The following CPLX2 variants were observed in gnomAD, a reference collection of about 807,000 sequenced individuals.
The protein encoded by CPLX2 is complexin 2.
CPLX2 carries 5 observed loss-of-function variants against 16.3 expected under a neutral mutation model. The observed-to-expected ratio is 0.31, with a 90% CI of 0.16 to 0.64. CPLX2 has a LOEUF of 0.64. CPLX2 is among the 30% of genes least tolerant of loss of function. CPLX2 has a pLI of 0.79. For missense variants in CPLX2, 144 were observed against 181.4 expected, an observed-to-expected ratio of 0.79 and a Z score of 1.18; for synonymous variants, 89 against 73.2, an observed-to-expected ratio of 1.22 and a Z score of -1.10.
intron 2 of CPLX2, among the ~76,000 whole-genome samples, chr5:175,864,695 G>A (rs996540025): frequency 8.5e-5 from 13 of 152,268 alleles, no homozygotes; most frequent in Admixed American, 6.5e-4. Flanking sequence ...CTGGGGTGCT[G>A]TAGGCTCTCC....
intron 2 of CPLX2, among the ~76,000 whole-genome samples, chr5:175,820,027 A>G (rs1758477267): frequency 1.3e-5 from 2 of 152,062 alleles, no homozygotes; most frequent in Admixed American, 6.5e-5. Context: ...CATCACACCA[A>G]AAGTCCCTAC....
At position 175,797,415 on chromosome 5, in the gene CPLX2, A is replaced by C. The variant is rs375448001; in HGVS notation, c.-169+631A>C. 2.3e-3 allele frequency among the ~76,000 whole-genome samples: 347 copies of C among 152,138 alleles called. 1 individual carries two copies. The highest frequency in any genetic ancestry group is 8.0e-3 in the African/African-American group (334 of 41,522). Reference sequence around the variant, plus strand: ...CAAGAGGTAGAGGGGAAACAGGCACAGAACGGTCCCGGCTCCGCTAGGCGG... The same window carrying C: ...CAAGAGGTAGAGGGGAAACAGGCACCGAACGGTCCCGGCTCCGCTAGGCGG... On this transcript the variant is annotated intron_variant, in intron 1 of 4. Coordinates refer to the CPLX2 transcript ENST00000359546.
At chr5:175,850,981 CAG>C (rs1269550999) in intron 2 of CPLX2, among the ~76,000 whole-genome samples, 1 of 151,746 alleles carries the variant, frequency 6.6e-6, no homozygotes, top group African/African-American at 2.4e-5. Flanking sequence ...GACGAGATCT[CAG>C]GGGGTGAGTA....
intron 2 of CPLX2, among the ~76,000 whole-genome samples, chr5:175,853,833 C>T (rs1369161837): frequency 1.3e-5 from 2 of 152,148 alleles, no homozygotes; most frequent in East Asian, 3.9e-4. Flanking sequence ...CCAGCTTCCC[C>T]CTCTGTGGAG....
intron 1 of CPLX2, among the ~76,000 whole-genome samples, chr5:175,802,341 A>G (rs1758114460): frequency 6.6e-6 from 1 of 152,184 alleles, no homozygotes; most frequent in African/African-American, 2.4e-5. Context: ...TCAATCTGCA[A>G]CAAGCATTGC....
chr5:175,797,564 G>C (rs1758012734), intron 1 of CPLX2, among the ~76,000 whole-genome samples: 2 of 152,172 alleles, frequency 1.3e-5, no homozygotes, highest in South Asian at 4.1e-4. Context: ...GAAGCCCGCG[G>C]CTGGCAGCTG....
intron 2 of CPLX2, among the ~76,000 whole-genome samples, chr5:175,810,591 C>G (rs774675991): frequency 3.9e-5 from 6 of 152,138 alleles, no homozygotes; most frequent in African/African-American, 7.2e-5. Context: ...TATATAAGAC[C>G]AAACTCAGTA....
In CPLX2 at chr5:175,876,555, GCAGTT is replaced by G. The variant is rs780801368; in HGVS notation, c.-88-2094_-88-2090del. On this transcript the variant is annotated intron_variant, in intron 1 of 3. Coordinates refer to ENST00000393745, the MANE Select transcript of CPLX2 (RefSeq NM_001008220.2). The stretch of plus-strand genomic sequence containing the variant: ...GTTTGAGGGTACAGTGGGGTTGTCA[GCAGTT>G]CAAATGCTGCAGACTGCTTCAACAG... Among the ~76,000 whole-genome samples, 162 of 152,182 alleles carry G rather than the reference GCAGTT, an allele frequency of 1.1e-3. 1 individual carries two copies. Among genetic ancestry groups the G allele is most frequent in the Non-Finnish European group, 2.1e-4 (14 of 68,026 alleles).
intron 1 of CPLX2, among the ~76,000 whole-genome samples, chr5:175,875,743 G>A (rs1759742158): frequency 6.6e-6 from 1 of 152,116 alleles, no homozygotes; most frequent in Admixed American, 6.5e-5. Context: ...TTGGGAGAGT[G>A]TAGACAGAGT....
chr5:175,838,489 C>T (rs897751077), intron 2 of CPLX2, among the ~76,000 whole-genome samples: 4 of 152,020 alleles, frequency 2.6e-5, no homozygotes, highest in African/African-American at 7.2e-5. Flanking sequence ...AGGATGGTCT[C>T]GATCTCCTGA....
Position 175,871,622 on chromosome 5 carries a change from C to G in CPLX2, c.-172C>G, listed in dbSNP as rs1417063313. On this transcript the variant is annotated 5_prime_UTR_variant, in exon 1 of 4. Transcript: ENST00000393745. ...CGCCTGGCGGAATTGCACGCGGCGG[C>G]GGGAGCTGGAATAGCAGAAGGAACC... 1 of 152,154 alleles carries G rather than the reference C, an allele frequency of 6.6e-6. No homozygotes were observed. Among genetic ancestry groups the G allele is most frequent in the Non-Finnish European group, 1.5e-5 (1 of 68,038 alleles). The allele number at this position is 152,154 out of a possible 1,614,324, so 9.4% of individuals were successfully genotyped here. A position where few individuals can be genotyped will look rare whatever the true frequency, so the allele number is the denominator to read the frequency against.
rs113365481 is a variant in CPLX2, at chr5:175,880,234, C to T, written c.*189C>T. On this transcript the variant is annotated 3_prime_UTR_variant, in exon 4 of 4. Transcript: ENST00000393745. ...CCCTTCATCCCAGGGTATCCACCTG[C>T]ACCCCACTCCCAAGTAGCTTGAAAA... 2.5e-4 allele frequency: 182 copies of T among 718,038 alleles called. 2 individuals carry two copies. In the African/African-American group the frequency reaches 2.8e-3, roughly 11 times the overall value. 44.5% of individuals were successfully genotyped at this position (718,038 alleles called of 1,614,324 possible).
At chr5:175,857,595 G>A (rs896534894) in intron 2 of CPLX2, among the ~76,000 whole-genome samples, 21 of 152,174 alleles carry the variant, frequency 1.4e-4, no homozygotes, top group African/African-American at 5.1e-4. Flanking sequence ...ATAATAAAGC[G>A]TTGGATATAT....
chr5:175,862,812 C>G (rs1005839152), intron 2 of CPLX2, among the ~76,000 whole-genome samples: 1 of 152,172 alleles, frequency 6.6e-6, no homozygotes, highest in African/African-American at 2.4e-5. Context: ...GACTGGGGGA[C>G]CAGATGTGCT....
At chr5:175,868,079 T>A (rs368333506), upstream of CPLX2, among the ~76,000 whole-genome samples, 1 of 152,200 alleles carries the variant, frequency 6.6e-6, no homozygotes, top group African/African-American at 2.4e-5. Flanking sequence ...GTGAAGCCAG[T>A]GTCTGGAGCA....
At chr5:175,868,223 C>G (rs1759514100), upstream of CPLX2, among the ~76,000 whole-genome samples, 1 of 152,184 alleles carries the variant, frequency 6.6e-6, no homozygotes, top group South Asian at 2.1e-4. Flanking sequence ...AGGATGCCCT[C>G]TGGGCTGAGG....
intron 2 of CPLX2, among the ~76,000 whole-genome samples, chr5:175,819,027 G>A (rs2113642206): frequency 6.6e-6 from 1 of 152,276 alleles, no homozygotes; most frequent in East Asian, 1.9e-4. Flanking sequence ...ATCACGCCGT[G>A]TTGGACCCCT....
At chr5:175,814,269 G>A (rs987301270) in intron 2 of CPLX2, among the ~76,000 whole-genome samples, 1 of 152,254 alleles carries the variant, frequency 6.6e-6, no homozygotes, top group African/African-American at 2.4e-5. Context: ...ATCCTAAGAA[G>A]GAGGGAGATT....
chr5:175,839,271 T>G (rs201808744), intron 2 of CPLX2, among the ~76,000 whole-genome samples: 1 of 146,574 alleles, frequency 6.8e-6, no homozygotes, highest in Non-Finnish European at 1.5e-5. Flanking sequence ...ATTTTTGTTT[T>G]TTTGTTTTGT....
Sources: gnomAD v4.1 joint callset for allele counts (sites outside exome capture counted in the v4.1 genomes callset) on GRCh38, gnomAD v4.1.1 for gene constraint, MANE v1.5 for transcripts, NCBI Gene and HGNC (gene_info 2026-07-23, HGNC 2026-07-21) for gene names.